PIK3C2G: variants seen among roughly 807,000 people sequenced by gnomAD.
PIK3C2G encodes phosphatidylinositol-4-phosphate 3-kinase catalytic subunit type 2 gamma.
A neutral mutation model predicts 181.1 loss-of-function variants in PIK3C2G; 168 were observed. That is an observed-to-expected ratio of 0.93 (90% CI 0.82 to 1.05). The LOEUF is 1.05. Among genes scored for constraint, PIK3C2G ranks in the 50% least tolerant of loss-of-function variants. The pLI, the probability that PIK3C2G is intolerant of heterozygous loss-of-function variation, is 0.00. For missense variants in PIK3C2G, 1,869 were observed against 1,732.8 expected (o/e 1.08, Z -1.40); for synonymous variants, 573 against 592.2 (o/e 0.97, Z 0.47).
At chr12:18,375,839 T>C (rs1942397482) in intron 13 of PIK3C2G, among the ~76,000 whole-genome samples, 1 of 152,192 alleles carries the variant, frequency 6.6e-6, no homozygotes, top group South Asian at 2.1e-4. Context: ...TGGCTCCAGC[T>C]TCAGACCAAA....
At chr12:18,286,313 C>A (rs1367749811) in intron 2 of PIK3C2G, among the ~76,000 whole-genome samples, 1 of 151,930 alleles carries the variant, frequency 6.6e-6, no homozygotes, top group Non-Finnish European at 1.5e-5. Flanking sequence ...TAATAGTTTT[C>A]TTTACAATAC....
At chr12:18,512,504 T>C (rs1374176441) in intron 24 of PIK3C2G, among the ~76,000 whole-genome samples, 1 of 152,030 alleles carries the variant, frequency 6.6e-6, no homozygotes, top group East Asian at 1.9e-4. Context: ...GTGTTCACTA[T>C]ACAAGTCCTT....
chr12:18,655,483 G>C, the PIK3C2G span, among the ~76,000 whole-genome samples: 3 of 152,174 alleles, frequency 2.0e-5, no homozygotes, highest in Non-Finnish European at 4.4e-5. Context: ...TGTTGCACCT[G>C]ATAAAAGGTA....
At chr12:18,473,611 G>C (rs1235398720) in intron 18 of PIK3C2G, among the ~76,000 whole-genome samples, 1 of 152,144 alleles carries the variant, frequency 6.6e-6, no homozygotes, top group Non-Finnish European at 1.5e-5. Flanking sequence ...GAGAAACTAA[G>C]AAAAATGCTC....
At chr12:18,391,379 T>C (rs1943522390) in intron 15 of PIK3C2G, 127 bp downstream of exon 15, 2 of 577,614 alleles carry the variant, frequency 3.5e-6, no homozygotes, top group Non-Finnish European at 5.5e-6. Context: ...TTTCCTGATG[T>C]CATGCTTCTT....
chr12:18,293,671 T>C (rs1041356834), intron 4 of PIK3C2G, among the ~76,000 whole-genome samples: 1 of 152,144 alleles, frequency 6.6e-6, no homozygotes, highest in Non-Finnish European at 1.5e-5. Context: ...AGCTTTGTTA[T>C]ATCACATGAA....
intron 18 of PIK3C2G, among the ~76,000 whole-genome samples, chr12:18,439,096 C>T (rs1946598988): frequency 6.6e-6 from 1 of 151,682 alleles, no homozygotes; most frequent in Non-Finnish European, 1.5e-5. Context: ...ATCCTAATTG[C>T]AAATTTAAAA....
the PIK3C2G span, among the ~76,000 whole-genome samples, chr12:18,707,801 G>A: frequency 1.1e-4 from 17 of 152,068 alleles, no homozygotes; most frequent in Admixed American, 3.3e-4. Flanking sequence ...TGTTCAGCTG[G>A]GAAGTCTCAT....
intron 18 of PIK3C2G, among the ~76,000 whole-genome samples, chr12:18,445,117 G>A (rs537174085): frequency 5.9e-5 from 9 of 152,004 alleles, no homozygotes; most frequent in Non-Finnish European, 1.2e-4. Flanking sequence ...GTACAAGCCA[G>A]ATATTTAAAA....
intron 15 of PIK3C2G, among the ~76,000 whole-genome samples, chr12:18,391,567 C>T (rs1161218432): frequency 6.6e-6 from 1 of 152,130 alleles, no homozygotes; most frequent in Non-Finnish European, 1.5e-5. Flanking sequence ...TCTCAACCTT[C>T]CTTCCAGGAG....
At chr12:18,317,673 G>A (rs1056772728) in intron 6 of PIK3C2G, among the ~76,000 whole-genome samples, 3 of 152,144 alleles carry the variant, frequency 2.0e-5, no homozygotes, top group African/African-American at 4.8e-5. Flanking sequence ...TTGTTTTTCT[G>A]TCTAAATCCT....
chr12:18,322,095 A>G (rs1951138110), intron 7 of PIK3C2G, among the ~76,000 whole-genome samples: 1 of 152,198 alleles, frequency 6.6e-6, no homozygotes, highest in Admixed American at 6.5e-5. Context: ...TTAAAATAAA[A>G]TAAAATTGGC....
intron 31 of PIK3C2G, 113 bp downstream of exon 31, chr12:18,609,742 T>C (rs1199002460): frequency 1.9e-5 from 12 of 638,314 alleles, no homozygotes; most frequent in Non-Finnish European, 5.5e-6. Context: ...TCCGCCAAGT[T>C]TAAGTAAGAA....
intron 18 of PIK3C2G, among the ~76,000 whole-genome samples, chr12:18,462,430 CATT>C (rs1275308410): frequency 3.9e-5 from 6 of 152,176 alleles, no homozygotes; most frequent in Non-Finnish European, 8.8e-5. Flanking sequence ...ATTACATGCA[CATT>C]ATATCTGACA....
chr12:18,572,924 A>G (rs891539142), intron 29 of PIK3C2G, among the ~76,000 whole-genome samples: 1 of 151,874 alleles, frequency 6.6e-6, no homozygotes, highest in Non-Finnish European at 1.5e-5. Context: ...CAGTTTTATG[A>G]TTTCCATTTT....
At chr12:18,585,818 T>A (rs879746027) in intron 29 of PIK3C2G, among the ~76,000 whole-genome samples, 1 of 152,060 alleles carries the variant, frequency 6.6e-6, no homozygotes. Context: ...GCTCAGCAAA[T>A]TCAAAATAAC....
chr12:18,502,455 C>T (rs1411142904), intron 22 of PIK3C2G, among the ~76,000 whole-genome samples: 1 of 152,190 alleles, frequency 6.6e-6, no homozygotes, highest in African/African-American at 2.4e-5. Context: ...AAATCAGAAA[C>T]TCTAGACTTT....
At chr12:18,600,095 GA>G (rs139836215) in intron 30 of PIK3C2G, among the ~76,000 whole-genome samples, 2 of 151,390 alleles carry the variant, frequency 1.3e-5, no homozygotes, top group Non-Finnish European at 3.0e-5. Flanking sequence ...ACTTTATCCT[GA>G]AAAAAAATGT....
At chr12:18,390,905 C>A (rs937928707) in intron 14 of PIK3C2G, among the ~76,000 whole-genome samples, 4 of 152,022 alleles carry the variant, frequency 2.6e-5, no homozygotes, top group African/African-American at 9.7e-5. Flanking sequence ...CCCATCTATA[C>A]CATTTGTATA....
Sources: gnomAD v4.1 joint callset for allele counts (sites outside exome capture counted in the v4.1 genomes callset) on GRCh38, gnomAD v4.1.1 for gene constraint, MANE v1.5 for transcripts, NCBI Gene and HGNC (gene_info 2026-07-23, HGNC 2026-07-21) for gene names.